Variants in CWF19L2 observed in about 807,000 individuals in gnomAD.
CWF19L2 encodes the protein CWF19 like cell cycle control factor 2, also known as CWF19-like protein 2.
CWF19L2 carries 98 observed loss-of-function variants against 111.7 expected under a neutral mutation model. That is an observed-to-expected ratio of 0.88 (90% CI 0.75 to 1.04). The LOEUF (loss-of-function observed/expected upper bound fraction) is 1.04. CWF19L2 is among the 50% of genes least tolerant of loss of function. The pLI is 0.00. For synonymous variants in CWF19L2, 351 were observed against 342.9 expected, an observed-to-expected ratio of 1.02 and a Z score of -0.26; for missense variants, 1,101 against 1,051.4, an observed-to-expected ratio of 1.05 and a Z score of -0.65.
intron 16 of CWF19L2, among the ~76,000 whole-genome samples, chr11:107,333,686 G>A (rs1468497306): frequency 1.3e-5 from 2 of 152,120 alleles, no homozygotes; most frequent in Non-Finnish European, 2.9e-5. Flanking sequence ...TGTAGATAAT[G>A]TTGTACCTCT....
At position 107,373,220 on chromosome 11, in the gene CWF19L2, G is replaced by C. The variant is rs934299744; in HGVS notation, c.1872+16854C>G. ...GGGGCGCCTGCCATTGCCCAGGCTT[G>C]CTCAGGTAAACAAAGCAGCCAGGAA... On this transcript the variant is annotated intron_variant, in intron 12 of 17. Transcript: ENST00000282251. Among the ~76,000 whole-genome samples the C allele has an allele frequency of 3.1e-5, 4 of 130,100 alleles. 1 individual carries two copies. The highest frequency in any genetic ancestry group is 1.3e-4 in the African/African-American group (4 of 30,984). The allele number at this position is 130,100 out of a possible 152,430, so 85.4% of individuals were successfully genotyped here. A position where few individuals can be genotyped will look rare whatever the true frequency, so the allele number is the denominator to read the frequency against.
chr11:107,404,376 G>C, intron 10 of CWF19L2: 1 of 788,660 alleles, frequency 1.3e-6, no homozygotes, highest in Non-Finnish European at 2.3e-6. Context: ...CTCATGTAGG[G>C]CATCAGCAGC....
chr11:107,339,460 A>AGCAATTCTGT (rs1859973630), intron 14 of CWF19L2, among the ~76,000 whole-genome samples: 1 of 152,088 alleles, frequency 6.6e-6, no homozygotes, highest in Non-Finnish European at 1.5e-5. Flanking sequence ...TTAACAGAAG[A>AGCAATTCTGT]GCAATTCTGT....
At chr11:107,361,307 A>G (rs556713835) in intron 12 of CWF19L2, among the ~76,000 whole-genome samples, 2 of 152,164 alleles carry the variant, frequency 1.3e-5, no homozygotes, top group Non-Finnish European at 2.9e-5. Flanking sequence ...TGTTCCATTG[A>G]TCTGGCTGTC....
chr11:107,455,733 T>G lies in CWF19L2; in HGVS notation c.149A>C (p.Lys50Thr). The change falls in exon 2 of 18, where the codon AAG becomes ACG. Residue 50 changes from lysine (K) to threonine (T), a missense_variant. Physicochemically the swap from Lys to Thr is moderately conservative, Grantham distance 78. Transcript: ENST00000282251. ...CCATGTATCCTCACCCCGAAGTCGC[T>G]TAAGTTCTTTACGCCTTTCTTCTTT... is the stretch of plus-strand genomic sequence containing the variant. ...FEKEERRKEL[K>T]RLRGEDTWML... 1 of 1,551,392 alleles carries G rather than the reference T, an allele frequency of 6.4e-7. No individual in the cohort carries two copies. Among genetic ancestry groups the G allele is most frequent in the Non-Finnish European group, 8.7e-7 (1 of 1,146,816 alleles).
At chr11:107,452,536 A>G (rs1861792204) in intron 3 of CWF19L2, among the ~76,000 whole-genome samples, 1 of 152,240 alleles carries the variant, frequency 6.6e-6, no homozygotes, top group Non-Finnish European at 1.5e-5. Flanking sequence ...CTATCTCCCT[A>G]AATTCCTTCC....
At chr11:107,406,636 C>T (rs531027917) in intron 10 of CWF19L2, among the ~76,000 whole-genome samples, 10 of 151,148 alleles carry the variant, frequency 6.6e-5, no homozygotes, top group African/African-American at 2.4e-4. Flanking sequence ...TTTAAATTCT[C>T]AATTCTGTCC....
intron 5 of CWF19L2, among the ~76,000 whole-genome samples, chr11:107,441,234 G>C (rs1204374807): frequency 6.6e-6 from 1 of 152,074 alleles, no homozygotes; most frequent in African/African-American, 2.4e-5. Flanking sequence ...AATTGAGTGA[G>C]TTCACTTTCA....
At position 107,418,297 on chromosome 11, in the gene CWF19L2, T is replaced by C. The variant is rs1335353850; in HGVS notation, c.1434-10A>G. The C allele has an allele frequency of 1.3e-6, 2 of 1,564,144 alleles. No individual in the cohort carries two copies. Among genetic ancestry groups the C allele is most frequent in the African/African-American group, 1.4e-5 (1 of 73,976 alleles). ...CTCACGCTCTGGACTGCTATTGGAA[T>C]AGGAAAGATTAACAGCATATGAAAT... On this transcript the variant is annotated splice_polypyrimidine_tract_variant and intron_variant, in intron 8 of 17. Coordinates refer to ENST00000282251, the MANE Select transcript of CWF19L2 (RefSeq NM_152434.3).
At chr11:107,427,808 G>A (rs1317551448) in intron 8 of CWF19L2, among the ~76,000 whole-genome samples, 1 of 152,046 alleles carries the variant, frequency 6.6e-6, no homozygotes, top group Admixed American at 6.6e-5. Context: ...TGGGAGGAAA[G>A]CCCTGATGTG....
chr11:107,353,494 T>C lies in CWF19L2; in HGVS notation c.2085+30A>G, dbSNP rs1591157544. 4 of 1,557,198 alleles carry C rather than the reference T, an allele frequency of 2.6e-6. No homozygotes were observed. In the African/African-American group the frequency reaches 5.4e-5, roughly 21 times the overall value. ...AGAAACAAAAAAAGTTCTATGAGAATGTAAGCAAAGGATAATAAATACTTC... is the reference window on the plus strand; with the variant it reads ...AGAAACAAAAAAAGTTCTATGAGAACGTAAGCAAAGGATAATAAATACTTC... On this transcript the variant is annotated intron_variant, in intron 13 of 17. Transcript: ENST00000282251.
At chr11:107,388,812 ACT>A (rs1860808285) in intron 12 of CWF19L2, among the ~76,000 whole-genome samples, 2 of 152,212 alleles carry the variant, frequency 1.3e-5, no homozygotes, top group Non-Finnish European at 2.9e-5. Context: ...TGAAAAGGAA[ACT>A]CTAATAAAAA....
intron 13 of CWF19L2, among the ~76,000 whole-genome samples, chr11:107,350,425 C>G (rs1311819749): frequency 1.3e-5 from 2 of 152,066 alleles, no homozygotes; most frequent in Non-Finnish European, 2.9e-5. Flanking sequence ...GGACAGAGCC[C>G]TTATGAATGG....
intron 14 of CWF19L2, among the ~76,000 whole-genome samples, chr11:107,346,622 A>G (rs1860084432): frequency 6.6e-6 from 1 of 152,214 alleles, no homozygotes; most frequent in Non-Finnish European, 1.5e-5. Context: ...AAGCCTATTA[A>G]AAAAGCAATC....
chr11:107,362,057 G>T (rs565402388), intron 12 of CWF19L2, among the ~76,000 whole-genome samples: 1 of 152,238 alleles, frequency 6.6e-6, no homozygotes, highest in Non-Finnish European at 1.5e-5. Flanking sequence ...CAAAGAAAGG[G>T]GTGACGGACG....
chr11:107,330,151 G>T, intron 16 of CWF19L2, 132 bp from the exon 17 acceptor site: 1 of 485,744 alleles, frequency 2.1e-6, no homozygotes, highest in African/African-American at 2.0e-5. Flanking sequence ...TGAATTTCCA[G>T]TTCTAGAGAT....
At chr11:107,376,424 A>G (rs74581942) in intron 12 of CWF19L2, among the ~76,000 whole-genome samples, 2 of 99,540 alleles carry the variant, frequency 2.0e-5, no homozygotes, top group Non-Finnish European at 3.8e-5. Flanking sequence ...CCATGATCAA[A>G]TGGGCTTCAT....
chr11:107,383,264 G>C lies in CWF19L2; in HGVS notation c.1872+6810C>G, dbSNP rs117110311. 6.4e-3 allele frequency among the ~76,000 whole-genome samples: 981 copies of C among 152,232 alleles called. 8 individuals carry two copies. Among genetic ancestry groups the C allele is most frequent in the Admixed American group, 0.018 (274 of 15,296 alleles). On this transcript the variant is annotated intron_variant, in intron 12 of 17. Transcript: ENST00000282251. Reference sequence around the variant, plus strand: ...TACCAGTCTGGGCATCTGGAGGACAGACTTGGGGACTGAGACCCCAACCTG... The same window carrying C: ...TACCAGTCTGGGCATCTGGAGGACACACTTGGGGACTGAGACCCCAACCTG...
intron 10 of CWF19L2, among the ~76,000 whole-genome samples, chr11:107,398,135 A>G (rs1290886664): frequency 2.0e-5 from 3 of 152,180 alleles, no homozygotes; most frequent in Non-Finnish European, 2.9e-5. Context: ...ACGCCTCCCA[A>G]AAATCACACT....
Sources: gnomAD v4.1 joint callset for allele counts (sites outside exome capture counted in the v4.1 genomes callset) on GRCh38, gnomAD v4.1.1 for gene constraint, MANE v1.5 for transcripts, NCBI Gene and HGNC (gene_info 2026-07-23, HGNC 2026-07-21) for gene names.